The following FRY variants were observed in gnomAD, a reference collection of about 807,000 sequenced individuals.
The protein encoded by FRY is FRY microtubule binding protein.
Under a neutral mutation model 348.4 loss-of-function variants are expected in FRY, and 128 were observed. The ratio of observed to expected loss-of-function variants is 0.37; its 90% confidence interval spans 0.32 to 0.43. FRY has a LOEUF of 0.43. FRY is among the 20% of genes least tolerant of loss of function. FRY has a pLI of 1.00. For synonymous variants in FRY, 1,370 were observed against 1,374.7 expected (o/e 1.00, Z 0.08); for missense variants, 2,736 against 3,695.2 (o/e 0.74, Z 6.73).
At chr13:32,085,424 A>G (rs889994641) in intron 2 of FRY, among the ~76,000 whole-genome samples, 1 of 152,222 alleles carries the variant, frequency 6.6e-6, no homozygotes, top group Non-Finnish European at 1.5e-5. Flanking sequence ...TCAAATGGAC[A>G]AAAGAGATAA....
chr13:32,282,949 T>C (rs532911927), intron 58 of FRY, among the ~76,000 whole-genome samples: 26 of 152,184 alleles, frequency 1.7e-4, no homozygotes, highest in African/African-American at 6.3e-4. Context: ...GAGACCTTCC[T>C]GGACAACATG....
At position 32,208,842 on chromosome 13, in the gene FRY, A is replaced by G; in HGVS notation, c.4019-11A>G. ...GTATGGATGACTCTCTGTCACTGCA[A>G]TTCTCTTTAGAGGTAAGCCAGCGAT... On this transcript the variant is annotated splice_polypyrimidine_tract_variant and intron_variant, in intron 31 of 60. Coordinates refer to ENST00000542859, the MANE Select transcript of FRY (RefSeq NM_023037.3). 2 of 1,614,034 alleles carry G rather than the reference A, an allele frequency of 1.2e-6. No individual in the cohort carries two copies. The highest frequency in any genetic ancestry group is 1.7e-6 in the Non-Finnish European group (2 of 1,179,906).
chr13:32,039,800 T>G (rs1274044691), intron 1 of FRY, among the ~76,000 whole-genome samples: 1 of 152,250 alleles, frequency 6.6e-6, no homozygotes, highest in Non-Finnish European at 1.5e-5. Flanking sequence ...CTTTTTATGC[T>G]GCTGTAAGAA....
intron 54 of FRY, 75 bp downstream of exon 54, chr13:32,265,691 G>A: frequency 7.1e-7 from 1 of 1,411,894 alleles, no homozygotes; most frequent in Non-Finnish European, 9.9e-7. Context: ...CTCAAGTTAA[G>A]TGTCACAGTT....
intron 26 of FRY, 91 bp downstream of exon 26, chr13:32,185,239 C>A: frequency 9.0e-7 from 1 of 1,112,132 alleles, no homozygotes; most frequent in Non-Finnish European, 1.4e-6. Context: ...ACCCTACTGG[C>A]CTTTATGCAG....
At chr13:32,208,177 C>T (rs1400326380) in intron 31 of FRY, among the ~76,000 whole-genome samples, 1 of 152,204 alleles carries the variant, frequency 6.6e-6, no homozygotes, top group African/African-American at 2.4e-5. Flanking sequence ...ACATGCTTAG[C>T]AGTTTTCAAG....
chr13:32,217,177 G>T (rs958638159), intron 35 of FRY, among the ~76,000 whole-genome samples: 1 of 152,184 alleles, frequency 6.6e-6, no homozygotes, highest in Non-Finnish European at 1.5e-5. Context: ...AATACCCGGT[G>T]AGTAATGTAG....
intron 35 of FRY, among the ~76,000 whole-genome samples, chr13:32,216,491 T>G (rs1376869813): frequency 6.6e-6 from 1 of 152,172 alleles, no homozygotes; most frequent in Non-Finnish European, 1.5e-5. Context: ...CATCCTGTAG[T>G]TCTTCCGGGT....
At chr13:32,082,904 C>T (rs777943261) in intron 2 of FRY, among the ~76,000 whole-genome samples, 18 of 152,184 alleles carry the variant, frequency 1.2e-4, no homozygotes, top group Non-Finnish European at 2.2e-4. Flanking sequence ...AGTTTCACTA[C>T]ACTGTGTTTG....
intron 57 of FRY, among the ~76,000 whole-genome samples, 192 bp downstream of exon 57, chr13:32,276,754 C>T (rs1362452419): frequency 6.6e-6 from 1 of 151,922 alleles, no homozygotes; most frequent in Admixed American, 6.6e-5. Context: ...ATGGTATCTA[C>T]AAAAGAGAAA....
chr13:32,196,162 A>T (rs991654247), intron 29 of FRY, among the ~76,000 whole-genome samples: 3 of 152,194 alleles, frequency 2.0e-5, no homozygotes, highest in African/African-American at 7.2e-5. Context: ...TATGTTTCTG[A>T]AAAGTCATAT....
At chr13:32,134,882 A>G (rs747175287) in intron 8 of FRY, 22 bp from the exon 9 acceptor site, 11 of 1,455,952 alleles carry the variant, frequency 7.6e-6, no homozygotes, top group Admixed American at 5.0e-5. Flanking sequence ...CTCCCTCCCT[A>G]TACTCTTTTT....
intron 16 of FRY, among the ~76,000 whole-genome samples, chr13:32,160,033 G>C (rs1040040665): frequency 6.6e-6 from 1 of 152,038 alleles, no homozygotes; most frequent in Non-Finnish European, 1.5e-5. Flanking sequence ...AACATATTAT[G>C]TGTTTTATTT....
chr13:32,124,447 C>CT, intron 5 of FRY, 71 bp downstream of exon 5: 2 of 978,132 alleles, frequency 2.0e-6, no homozygotes, highest in Non-Finnish European at 3.2e-6. Flanking sequence ...TTGTAAAAGT[C>CT]TAAGTTTTTA....
chr13:32,268,508 ATATATATATAT>A (rs1888052110), intron 55 of FRY, among the ~76,000 whole-genome samples: 3 of 20,690 alleles, frequency 1.4e-4, no homozygotes, highest in African/African-American at 3.1e-4. Context: ...AAAAAAAAAT[ATATATATATAT>A]ATATATATAT....
At chr13:32,198,871 T>C (rs1430812803) in intron 29 of FRY, among the ~76,000 whole-genome samples, 1 of 152,208 alleles carries the variant, frequency 6.6e-6, no homozygotes, top group Admixed American at 6.5e-5. Flanking sequence ...TGGATGGCAA[T>C]ATATCAGTAT....
At chr13:32,121,621 G>C (rs931030832) in intron 4 of FRY, among the ~76,000 whole-genome samples, 3 of 151,990 alleles carry the variant, frequency 2.0e-5, no homozygotes, top group Non-Finnish European at 4.4e-5. Flanking sequence ...CCACTTTTTG[G>C]TGGGGTGGTT....
chr13:32,136,540 G>T, intron 10 of FRY, among the ~76,000 whole-genome samples: 1 of 152,182 alleles, frequency 6.6e-6, no homozygotes, highest in Non-Finnish European at 1.5e-5. Context: ...GATTAAGAGA[G>T]TGATCTAAGA....
At chr13:32,185,912 C>T (rs1326980960) in intron 26 of FRY, among the ~76,000 whole-genome samples, 1 of 152,182 alleles carries the variant, frequency 6.6e-6, no homozygotes, top group Non-Finnish European at 1.5e-5. Flanking sequence ...TCCGAGTTCT[C>T]TTAAAGATGG....
Sources: allele counts gnomAD v4.1 joint callset (sites outside exome capture counted in the v4.1 genomes callset), GRCh38; gene constraint gnomAD v4.1.1; transcripts MANE v1.5; gene names NCBI Gene and HGNC (gene_info 2026-07-23, HGNC 2026-07-21).